VIT: variants seen among roughly 807,000 people sequenced by gnomAD.
VIT encodes vitrin.
A neutral mutation model predicts 78.0 loss-of-function variants in VIT; 99 were observed. That is an observed-to-expected ratio of 1.27 (90% confidence interval 1.08 to 1.50). VIT has a LOEUF of 1.50. VIT is among the 40% of genes most tolerant of loss of function. The pLI, the probability that VIT is intolerant of heterozygous loss-of-function variation, is 0.00. For synonymous variants in VIT, 374 were observed against 334.3 expected (o/e 1.12, Z -1.29); for missense variants, 1,126 against 875.3 (o/e 1.29, Z -3.61).
chr2:36,761,245 C>A (rs188253737), intron 6 of VIT, among the ~76,000 whole-genome samples: 1 of 152,140 alleles, frequency 6.6e-6, no homozygotes, highest in Non-Finnish European at 1.5e-5. Context: ...GGCTTGGGTA[C>A]GACAAAGTGT....
intron 3 of VIT, among the ~76,000 whole-genome samples, chr2:36,731,524 T>C (rs1308836555): frequency 6.6e-6 from 1 of 152,056 alleles, no homozygotes; most frequent in Non-Finnish European, 1.5e-5. Flanking sequence ...CCACCTGCCT[T>C]GGCCTCACAA....
chr2:36,701,083 A>G (rs568442996), intron 1 of VIT, among the ~76,000 whole-genome samples: 2 of 141,466 alleles, frequency 1.4e-5, no homozygotes, highest in East Asian at 2.1e-4. Context: ...AAACATAATT[A>G]TCAAGCCAAG....
At position 36,808,980 on chromosome 2, in the gene VIT, T is replaced by A; in HGVS notation, c.1898T>A (p.Leu633Gln). The A allele has an allele frequency of 6.3e-7, 1 of 1,581,136 alleles. No homozygotes were observed. The highest frequency in any genetic ancestry group is 8.6e-7 in the Non-Finnish European group (1 of 1,160,124). Reference protein sequence around the residue: ...DVRIPAMAAHLKGVITYAIGV... With the variant: ...DVRIPAMAAHQKGVITYAIGV... The stretch of plus-strand genomic sequence containing the variant: ...CGGATCCCAGCCATGGCTGCCCATC[T>A]GAAGGGTAAGCTGGGCTTGCCAAGC... Residue 633 changes from leucine to glutamine, a missense_variant, in exon 15 of 16, where the codon CTG becomes CAG. Transcript: ENST00000379242.
intron 2 of VIT, among the ~76,000 whole-genome samples, chr2:36,728,182 CT>C (rs1306233343): frequency 6.6e-6 from 1 of 152,180 alleles, no homozygotes; most frequent in Non-Finnish European, 1.5e-5. Flanking sequence ...CCACCCACCC[CT>C]GCCTCCCAAA....
In VIT at chr2:36,754,904, A is replaced by G. The variant is rs374416592; in HGVS notation, c.276-17A>G. 6.3e-7 allele frequency: 1 copy of G among 1,599,604 alleles called. No homozygotes were observed. The highest frequency in any genetic ancestry group is 8.5e-7 in the Non-Finnish European group (1 of 1,174,886). On this transcript the variant is annotated splice_polypyrimidine_tract_variant and intron_variant, in intron 4 of 15. Coordinates refer to ENST00000379242, the MANE Select transcript of VIT (RefSeq NM_053276.4). Reference sequence around the variant, plus strand: ...TATTTCTGTTCTTTCCTGAAAAATTATTTTTTCTCTTCATAGTGGTGTGCT... The same window carrying G: ...TATTTCTGTTCTTTCCTGAAAAATTGTTTTTTCTCTTCATAGTGGTGTGCT...
At chr2:36,801,807 T>C (rs925049618) in intron 13 of VIT, among the ~76,000 whole-genome samples, 1 of 151,082 alleles carries the variant, frequency 6.6e-6, no homozygotes, top group African/African-American at 2.4e-5. Context: ...AAGAAATTAC[T>C]CCTGCAACAT....
chr2:36,748,747 A>G (rs149262079), intron 4 of VIT, among the ~76,000 whole-genome samples: 1 of 152,302 alleles, frequency 6.6e-6, no homozygotes, highest in East Asian at 1.9e-4. Context: ...TTCAGGACTG[A>G]GCTAGTCCTG....
Position 36,696,788 on chromosome 2 carries a change from G to A in VIT, c.-204G>A, listed in dbSNP as rs1664710458. The A allele has an allele frequency of 6.6e-6, 1 of 152,118 alleles. No homozygotes were observed. The highest frequency in any genetic ancestry group is 2.1e-4 in the South Asian group (1 of 4,824). The allele number at this position is 152,118 out of a possible 1,614,324, so 9.4% of individuals were successfully genotyped here. A position where few individuals can be genotyped will look rare whatever the true frequency, so the allele number is the denominator to read the frequency against. Reference sequence around the variant, plus strand: ...TGTAAAATGTGTTTTTCAAAGTACTGAGAGGTTGATGGGACTGTTCGATTA... The same window carrying A: ...TGTAAAATGTGTTTTTCAAAGTACTAAGAGGTTGATGGGACTGTTCGATTA... On this transcript the variant is annotated 5_prime_UTR_variant, in exon 1 of 16. The change abolishes the stop of an existing upstream ORF in the 5' untranslated region. Coordinates refer to ENST00000379242, the MANE Select transcript of VIT (RefSeq NM_053276.4).
rs533707591 is a variant in VIT, at chr2:36,769,686, G to A, written c.679+2401G>A. On this transcript the variant is annotated intron_variant, in intron 7 of 15. Transcript: ENST00000379242. ...CTTCTTAAAATAAAAGTATTCATGAGAGACTTTCCAGAAACCATACAATTC... is the reference window on the plus strand; with the variant it reads ...CTTCTTAAAATAAAAGTATTCATGAAAGACTTTCCAGAAACCATACAATTC... Among the ~76,000 whole-genome samples the A allele has an allele frequency of 2.0e-5, 3 of 152,262 alleles. No individual in the cohort carries two copies. In the South Asian group the frequency reaches 6.2e-4, roughly 32 times the overall value.
intron 1 of VIT, among the ~76,000 whole-genome samples, chr2:36,712,560 C>T (rs1275210237): frequency 6.6e-6 from 1 of 152,028 alleles, no homozygotes; most frequent in Non-Finnish European, 1.5e-5. Context: ...ATAATTTGGC[C>T]GGGGGTGGTG....
intron 6 of VIT, among the ~76,000 whole-genome samples, chr2:36,761,411 C>T (rs914412701): frequency 5.9e-5 from 9 of 152,116 alleles, no homozygotes; most frequent in East Asian, 5.8e-4. Flanking sequence ...TGGCCTCACC[C>T]GTGGGAAGTT....
rs267599364 is a variant in VIT, at chr2:36,814,252, C to A, written c.1973C>A (p.Pro658His). 2 of 1,614,228 alleles carry A rather than the reference C, an allele frequency of 1.2e-6. No individual in the cohort carries two copies. Among genetic ancestry groups the A allele is most frequent in the Non-Finnish European group, 1.7e-6 (2 of 1,180,038 alleles). ...QEELEVIATH[P>H]ARDHSFFVDE... The stretch of plus-strand genomic sequence containing the variant: ...GAGCTAGAAGTCATTGCCACTCACC[C>A]CGCCAGAGACCACTCCTTCTTTGTG... The change falls in exon 16 of 16, where the codon CCC becomes CAC. Residue 658 changes from proline (P) to histidine (H), a missense_variant. Transcript: ENST00000379242.
intron 12 of VIT, among the ~76,000 whole-genome samples, chr2:36,796,552 A>G (rs1043418075): frequency 7.2e-5 from 11 of 152,244 alleles, no homozygotes; most frequent in Middle Eastern, 3.2e-3. Flanking sequence ...CAGAACCTTA[A>G]TGATCAATAT....
intron 6 of VIT, among the ~76,000 whole-genome samples, chr2:36,766,539 A>T (rs1669441883): frequency 6.6e-6 from 1 of 152,122 alleles, no homozygotes; most frequent in African/African-American, 2.4e-5. Flanking sequence ...TCAAAAAAGA[A>T]AAAAAATGTA....
intron 14 of VIT, among the ~76,000 whole-genome samples, chr2:36,807,112 G>A (rs142607403): frequency 5.9e-4 from 89 of 152,006 alleles, no homozygotes; most frequent in African/African-American, 1.9e-3. Flanking sequence ...CTCGCCTGAC[G>A]CCCCCTCCCC....
At position 36,755,092 on chromosome 2, in the gene VIT, C is replaced by G. The variant is rs199773525; in HGVS notation, c.409+38C>G. Reference sequence around the variant, plus strand: ...ACTGGAGAAACGCTGCTAAACCTACCACAAGATGAAATGTGCTCTTTTCAT... The same window carrying G: ...ACTGGAGAAACGCTGCTAAACCTACGACAAGATGAAATGTGCTCTTTTCAT... On this transcript the variant is annotated intron_variant, in intron 5 of 15. Transcript: ENST00000379242. 8.4e-5 allele frequency: 134 copies of G among 1,590,800 alleles called. No homozygotes were observed. In the African/African-American group the frequency reaches 1.7e-3, roughly 20 times the overall value.
chr2:36,745,144 C>T (rs1281968197), intron 4 of VIT, among the ~76,000 whole-genome samples: 2 of 151,880 alleles, frequency 1.3e-5, no homozygotes, highest in Non-Finnish European at 2.9e-5. Context: ...TGGCTTTATT[C>T]CTGAGTTTTC....
intron 6 of VIT, among the ~76,000 whole-genome samples, chr2:36,763,350 G>A (rs1461737865): frequency 6.6e-6 from 1 of 152,188 alleles, no homozygotes; most frequent in East Asian, 1.9e-4. Flanking sequence ...TGAGGAATAT[G>A]TGTAGAGTTT....
chr2:36,805,360 T>C, intron 13 of VIT, 78 bp from the exon 14 acceptor site: 1 of 1,373,042 alleles, frequency 7.3e-7, no homozygotes, highest in Non-Finnish European at 9.7e-7. Flanking sequence ...TTTCTGGACC[T>C]CTTTGTGCTG....
Sources: allele counts gnomAD v4.1 joint callset (sites outside exome capture counted in the v4.1 genomes callset), GRCh38; gene constraint gnomAD v4.1.1; transcripts MANE v1.5; gene names NCBI Gene and HGNC (gene_info 2026-07-23, HGNC 2026-07-21).